SNTG1: variants seen among roughly 807,000 people sequenced by gnomAD.
SNTG1 encodes the protein gamma-1-syntrophin.
Under a neutral mutation model 74.7 loss-of-function variants are expected in SNTG1, and 39 were observed. The ratio of observed to expected loss-of-function variants is 0.52; its 90% confidence interval spans 0.40 to 0.68. The LOEUF (loss-of-function observed/expected upper bound fraction) is 0.68. SNTG1 is among the 30% of genes least tolerant of loss of function. The pLI, the probability that SNTG1 is intolerant of heterozygous loss-of-function variation, is 0.00. For synonymous variants in SNTG1, 254 were observed against 217.1 expected (o/e 1.17, Z -1.49); for missense variants, 685 against 609.5 (o/e 1.12, Z -1.30).
chr8:49,947,722 T>A (rs995452278), intron 1 of SNTG1, among the ~76,000 whole-genome samples: 4 of 152,168 alleles, frequency 2.6e-5, no homozygotes, highest in African/African-American at 9.7e-5. Context: ...AGTTTCTAAC[T>A]TTTCTGGAGA....
At chr8:50,207,092 G>A (rs1398710244) in intron 2 of SNTG1, among the ~76,000 whole-genome samples, 1 of 152,134 alleles carries the variant, frequency 6.6e-6, no homozygotes, top group African/African-American at 2.4e-5. Context: ...AAATGAGTTA[G>A]GGAGGATTCC....
At chr8:50,396,080 T>C (rs2092725244) in intron 3 of SNTG1, among the ~76,000 whole-genome samples, 1 of 152,204 alleles carries the variant, frequency 6.6e-6, no homozygotes, top group Non-Finnish European at 1.5e-5. Flanking sequence ...TGTACTAATT[T>C]GGGATATTTC....
At chr8:50,140,567 T>C (rs370248538) in intron 1 of SNTG1, among the ~76,000 whole-genome samples, 1 of 152,136 alleles carries the variant, frequency 6.6e-6, no homozygotes, top group African/African-American at 2.4e-5. Context: ...CATGTTAGTG[T>C]GTATGTGTGA....
At chr8:50,609,566 G>A (rs1166721085) in intron 13 of SNTG1, among the ~76,000 whole-genome samples, 3 of 151,898 alleles carry the variant, frequency 2.0e-5, no homozygotes, top group Non-Finnish European at 4.4e-5. Context: ...CCAGATTAAT[G>A]TTGTTCCTTG....
chr8:50,310,042 C>T (rs2090046678), intron 2 of SNTG1, among the ~76,000 whole-genome samples: 2 of 152,324 alleles, frequency 1.3e-5, no homozygotes, highest in South Asian at 4.1e-4. Context: ...GAAACTCAAT[C>T]TGTGTTTGAG....
chr8:50,754,861 T>C (rs963273019), intron 18 of SNTG1, among the ~76,000 whole-genome samples: 1 of 151,950 alleles, frequency 6.6e-6, no homozygotes, highest in Non-Finnish European at 1.5e-5. Flanking sequence ...TGTGTTTCTA[T>C]TTTCATCGGT....
Position 50,566,304 on chromosome 8 carries a change from G to A in SNTG1, c.810+13125G>A, listed in dbSNP as rs78057367. 9.3e-4 allele frequency among the ~76,000 whole-genome samples: 142 copies of A among 151,982 alleles called. No individual in the cohort carries two copies. The East Asian group carries it at 0.014, about 15-fold the overall frequency. On this transcript the variant is annotated intron_variant, in intron 12 of 18. Transcript: ENST00000642720. Reference sequence around the variant, plus strand: ...ATCTGCATATAGTCCCAAAACAACCGGAAACTTTGAGATTAAAACCAGGTC... The same window carrying A: ...ATCTGCATATAGTCCCAAAACAACCAGAAACTTTGAGATTAAAACCAGGTC...
At position 50,402,271 on chromosome 8, in the gene SNTG1, AC is replaced by A. The variant is rs2092816368; in HGVS notation, c.91del (p.Leu31Ter). The A allele has an allele frequency of 6.2e-7, 1 of 1,613,704 alleles. No homozygotes were observed. Among genetic ancestry groups the A allele is most frequent in the Non-Finnish European group, 8.5e-7 (1 of 1,179,958 alleles). ...GNQEPFKVRLHLAKDILMIQE... is the reference protein window; with the variant it reads ...GNQEPFKVRLXLAKDILMIQE... Reference sequence around the variant, plus strand: ...CAGGAGCCTTTCAAAGTGCGGCTGCACCTAGCCAAAGACATTTTGATGATCC... The same window carrying A: ...CAGGAGCCTTTCAAAGTGCGGCTGCACTAGCCAAAGACATTTTGATGATCC... On this transcript the variant is annotated frameshift_variant, in exon 4 of 19. Coordinates refer to ENST00000642720, the MANE Select transcript of SNTG1 (RefSeq NM_018967.5). LOFTEE classifies it high-confidence loss of function.
intron 17 of SNTG1, among the ~76,000 whole-genome samples, chr8:50,723,483 G>A (rs1406952782): frequency 6.6e-6 from 1 of 152,078 alleles, no homozygotes; most frequent in Non-Finnish European, 1.5e-5. Context: ...CTTCTCTAAA[G>A]TTGGGCATTT....
At chr8:50,618,397 T>C (rs1014628861) in intron 13 of SNTG1, among the ~76,000 whole-genome samples, 1 of 152,224 alleles carries the variant, frequency 6.6e-6, no homozygotes, top group African/African-American at 2.4e-5. Context: ...ACTATTCACA[T>C]TATAATTCTA....
At chr8:50,780,961 A>C (rs1370777706) in intron 18 of SNTG1, among the ~76,000 whole-genome samples, 6 of 152,086 alleles carry the variant, frequency 3.9e-5, no homozygotes, top group Non-Finnish European at 8.8e-5. Flanking sequence ...TTCATTACGT[A>C]CCGAGTAGTC....
intron 4 of SNTG1, among the ~76,000 whole-genome samples, chr8:50,422,722 G>A (rs1481093638): frequency 6.6e-6 from 1 of 152,092 alleles, no homozygotes; most frequent in African/African-American, 2.4e-5. Context: ...TGTTAGACAT[G>A]CAGAAACCTG....
At chr8:50,546,547 G>A (rs371103071) in intron 11 of SNTG1, among the ~76,000 whole-genome samples, 7 of 58,664 alleles carry the variant, frequency 1.2e-4, no homozygotes, top group East Asian at 5.0e-4. Flanking sequence ...CCTACCCCAC[G>A]ACAGTCCCCA....
intron 2 of SNTG1, among the ~76,000 whole-genome samples, chr8:50,339,629 A>C (rs1563917837): frequency 6.6e-6 from 1 of 151,918 alleles, no homozygotes; most frequent in Non-Finnish European, 1.5e-5. Flanking sequence ...ACTAAAGTAA[A>C]TTGAAAATAT....
intron 1 of SNTG1, among the ~76,000 whole-genome samples, chr8:50,142,952 T>C (rs2131477831): frequency 6.6e-6 from 1 of 151,994 alleles, no homozygotes; most frequent in East Asian, 1.9e-4. Context: ...CGGGCACCTG[T>C]AGACCCAGCT....
chr8:50,085,961 G>A (rs560640848), intron 1 of SNTG1, among the ~76,000 whole-genome samples: 3 of 152,158 alleles, frequency 2.0e-5, no homozygotes, highest in East Asian at 1.9e-4. Context: ...GACTGCTGGC[G>A]TAGCACAATG....
intron 15 of SNTG1, 76 bp from the exon 16 acceptor site, chr8:50,704,524 T>G (rs756740915): frequency 6.3e-7 from 1 of 1,589,006 alleles, no homozygotes; most frequent in African/African-American, 1.3e-5. Context: ...TTCTGCACCT[T>G]GGTCCAGTCA....
At chr8:50,666,558 T>A (rs2095251773) in intron 15 of SNTG1, among the ~76,000 whole-genome samples, 1 of 152,128 alleles carries the variant, frequency 6.6e-6, no homozygotes, top group African/African-American at 2.4e-5. Flanking sequence ...CTTGCAAATG[T>A]TCTTTAAATC....
intron 4 of SNTG1, among the ~76,000 whole-genome samples, chr8:50,431,014 C>T (rs2093229176): frequency 6.6e-6 from 1 of 152,170 alleles, no homozygotes; most frequent in Non-Finnish European, 1.5e-5. Context: ...GATGCTTGTG[C>T]CTTACTTCAT....
Sources: allele counts gnomAD v4.1 joint callset (sites outside exome capture counted in the v4.1 genomes callset), GRCh38; gene constraint gnomAD v4.1.1; transcripts MANE v1.5; gene names NCBI Gene and HGNC (gene_info 2026-07-23, HGNC 2026-07-21).